Variants in PCCA observed in about 807,000 individuals in gnomAD.
PCCA encodes the protein propionyl-CoA carboxylase alpha chain, mitochondrial.
Under a neutral mutation model 101.3 loss-of-function variants are expected in PCCA, and 74 were observed. That is an observed-to-expected ratio of 0.73 (90% CI 0.61 to 0.89). The LOEUF is 0.89. Among genes scored for constraint, PCCA ranks in the 40% least tolerant of loss-of-function variants. The pLI, the probability that PCCA is intolerant of heterozygous loss-of-function variation, is 0.00. For synonymous variants in PCCA, 294 were observed against 313.6 expected (o/e 0.94, Z 0.66); for missense variants, 891 against 907.0 (o/e 0.98, Z 0.23).
chr13:100,211,018 T>A (rs1406616039), intron 7 of PCCA, among the ~76,000 whole-genome samples: 3 of 152,202 alleles, frequency 2.0e-5, no homozygotes, highest in Non-Finnish European at 4.4e-5. Flanking sequence ...CAGGCTATGG[T>A]TTTACTGATT....
chr13:100,135,768 G>A (rs2051086185), intron 4 of PCCA, among the ~76,000 whole-genome samples: 2 of 152,134 alleles, frequency 1.3e-5, no homozygotes. Context: ...CAGTCATTCA[G>A]AATTAAGTAT....
In PCCA at chr13:100,192,520, T is replaced by G. The variant is rs537731909; in HGVS notation, c.469-16812T>G. Among the ~76,000 whole-genome samples the G allele has an allele frequency of 3.4e-4, 52 of 152,224 alleles. 1 individual carries two copies. In the Middle Eastern group the frequency reaches 0.01, roughly 30 times the overall value. ...AAGAGAGGAGATCCTTATAGATGAG[T>G]GCTGGTTGTTTGCAGGATCATTATT... On this transcript the variant is annotated intron_variant, in intron 6 of 23. Transcript: ENST00000376285.
At chr13:100,233,140 A>C (rs181195526) in intron 7 of PCCA, among the ~76,000 whole-genome samples, 11 of 152,324 alleles carry the variant, frequency 7.2e-5, no homozygotes, top group Non-Finnish European at 1.2e-4. Flanking sequence ...ATGACTTCCC[A>C]GGAGTAAAAT....
At chr13:100,427,904 C>T (rs543457784) in intron 20 of PCCA, among the ~76,000 whole-genome samples, 1 of 152,224 alleles carries the variant, frequency 6.6e-6, no homozygotes, top group African/African-American at 2.4e-5. Flanking sequence ...ACTGTGTTAT[C>T]AGGTGTAGTT....
intron 4 of PCCA, among the ~76,000 whole-genome samples, chr13:100,153,361 G>C (rs1273264684): frequency 6.6e-6 from 1 of 152,170 alleles, no homozygotes; most frequent in Non-Finnish European, 1.5e-5. Context: ...TAGATTAGAG[G>C]AGATTCATCC....
At chr13:100,237,037 G>A (rs1339720384) in intron 8 of PCCA, 1 of 152,192 alleles carries the variant, frequency 6.6e-6, no homozygotes, top group Non-Finnish European at 1.5e-5. Flanking sequence ...GAACATTTCT[G>A]TAGGCCTGTT....
At chr13:100,282,156 T>C (rs557110525) in intron 12 of PCCA, among the ~76,000 whole-genome samples, 9 of 152,328 alleles carry the variant, frequency 5.9e-5, no homozygotes, top group African/African-American at 2.2e-4. Flanking sequence ...TATTTGCTTA[T>C]TGTTGGGGGA....
In PCCA at chr13:100,291,370, A is replaced by C. The variant is rs560632952; in HGVS notation, c.1066-10090A>C. ...GGGGACCTGAGCATCTGTAGAGTTT[A>C]GTATTCACAGGGGTCCTGGGACCAA... On this transcript the variant is annotated intron_variant, in intron 12 of 23. Transcript: ENST00000376285. Among the ~76,000 whole-genome samples the C allele has an allele frequency of 2.0e-5, 3 of 152,356 alleles. No homozygotes were observed. In the South Asian group the frequency reaches 6.2e-4, roughly 32 times the overall value.
intron 7 of PCCA, among the ~76,000 whole-genome samples, chr13:100,225,363 A>C (rs555904462): frequency 6.6e-6 from 1 of 152,336 alleles, no homozygotes; most frequent in East Asian, 1.9e-4. Context: ...CTTTAGTTCT[A>C]ATTGTTCGTT....
intron 18 of PCCA, among the ~76,000 whole-genome samples, chr13:100,357,015 G>A (rs2074025568): frequency 6.6e-6 from 1 of 152,138 alleles, no homozygotes; most frequent in African/African-American, 2.4e-5. Context: ...GAAATCGAAA[G>A]TACATAACAG....
chr13:100,137,336 C>T (rs1385076745), intron 4 of PCCA, among the ~76,000 whole-genome samples: 1 of 152,138 alleles, frequency 6.6e-6, no homozygotes, highest in Non-Finnish European at 1.5e-5. Context: ...TGTTAGACTT[C>T]AGTACTGTAT....
At chr13:100,307,899 G>T (rs2066586048) in intron 15 of PCCA, among the ~76,000 whole-genome samples, 1 of 151,870 alleles carries the variant, frequency 6.6e-6, no homozygotes, top group Admixed American at 6.6e-5. Flanking sequence ...CGCTCTGTCC[G>T]CCAGCCTGGA....
At chr13:100,493,256 G>A (rs2085034938) in intron 21 of PCCA, among the ~76,000 whole-genome samples, 1 of 152,228 alleles carries the variant, frequency 6.6e-6, no homozygotes, top group Non-Finnish European at 1.5e-5. Context: ...CCTGTCACAA[G>A]TCCTGAGAGG....
chr13:100,212,071 A>G (rs1339816255), intron 7 of PCCA, among the ~76,000 whole-genome samples: 3 of 152,164 alleles, frequency 2.0e-5, no homozygotes, highest in East Asian at 1.9e-4. Flanking sequence ...TCTCAAATGT[A>G]TGTATCTGTT....
At chr13:100,268,613 G>A (rs771259964) in intron 10 of PCCA, 76 bp from the exon 11 acceptor site, 2 of 984,768 alleles carry the variant, frequency 2.0e-6, no homozygotes. Context: ...AAGAGATGTT[G>A]CATGCGGAAA....
intron 6 of PCCA, among the ~76,000 whole-genome samples, chr13:100,160,266 G>T (rs1417002276): frequency 6.6e-6 from 1 of 152,134 alleles, no homozygotes; most frequent in Admixed American, 6.5e-5. Context: ...ACTTTGGGAG[G>T]CTGAGGTGGG....
At chr13:100,348,770 T>TCC (rs2072731246) in intron 18 of PCCA, among the ~76,000 whole-genome samples, 40 of 101,972 alleles carry the variant, frequency 3.9e-4, no homozygotes, top group East Asian at 1.0e-3. Context: ...CTTTCTTTCT[T>TCC]TCTTTCTTTC....
chr13:100,302,918 T>C lies in PCCA; in HGVS notation c.1210-6T>C. On this transcript the variant is annotated splice_region_variant and splice_polypyrimidine_tract_variant and intron_variant, in intron 13 of 23. Coordinates refer to ENST00000376285, the MANE Select transcript of PCCA (RefSeq NM_000282.4). ...AGACTGTGCTTCCTTTCCTTTGAAC[T>C]TTCAGGACCCCTACAAGTCTTTTGG... 1 of 1,567,410 alleles carries C rather than the reference T, an allele frequency of 6.4e-7. No homozygotes were observed. The highest frequency in any genetic ancestry group is 8.8e-7 in the Non-Finnish European group (1 of 1,137,420).
intron 16 of PCCA, among the ~76,000 whole-genome samples, chr13:100,328,689 A>AT (rs757599001): frequency 0.023 from 2,300 of 98,160 alleles, 103 homozygotes; most frequent in African/African-American, 0.046. Flanking sequence ...GTTGAGGTTA[A>AT]TTTTTTTTTT....
Sources: allele counts gnomAD v4.1 joint callset (sites outside exome capture counted in the v4.1 genomes callset), GRCh38; gene constraint gnomAD v4.1.1; transcripts MANE v1.5; gene names NCBI Gene and HGNC (gene_info 2026-07-23, HGNC 2026-07-21).